Variants in ST6GAL1 observed in about 807,000 individuals in gnomAD.
ST6GAL1 encodes ST6 beta-galactoside alpha-2,6-sialyltransferase 1, also known as beta-galactoside alpha-2,6-sialyltransferase 1.
A neutral mutation model predicts 38.0 loss-of-function variants in ST6GAL1; 20 were observed. That is an observed-to-expected ratio of 0.53 (90% confidence interval 0.37 to 0.77). The LOEUF is 0.77. ST6GAL1 is among the 30% of genes least tolerant of loss of function. The probability of loss-of-function intolerance (pLI) is 0.00; values close to 1 mark genes in which losing one functional copy is unlikely to be tolerated. For synonymous variants in ST6GAL1, 196 were observed against 188.2 expected (o/e 1.04, Z -0.34); for missense variants, 432 against 496.4 (o/e 0.87, Z 1.23).
intron 5 of ST6GAL1, among the ~76,000 whole-genome samples, chr3:187,059,513 A>C (rs1197646802): frequency 2.6e-5 from 4 of 152,176 alleles, no homozygotes; most frequent in African/African-American, 9.7e-5. Flanking sequence ...CATTCAACAA[A>C]TGTATTCAGT....
At position 186,976,552 on chromosome 3, in the gene ST6GAL1, C is replaced by G. The variant is rs192030055; in HGVS notation, c.-183+12626C>G. Among the ~76,000 whole-genome samples, 526 of 152,270 alleles carry G rather than the reference C, an allele frequency of 3.5e-3. 4 individuals carry two copies. Among genetic ancestry groups the G allele is most frequent in the East Asian group, 0.022 (113 of 5,186 alleles). On this transcript the variant is annotated intron_variant, in intron 2 of 7. Transcript: ENST00000169298. ...TCAAGCGCTTCTCCTGCTTCAGCCT[C>G]CCAAGTAGCTGGAACTACAGGCATG...
Position 187,074,250 on chromosome 3 carries a change from A to G in ST6GAL1, c.896A>G (p.Gln299Arg), listed in dbSNP as rs1353471716. ...CAGCCCTTTTACATCCTCAAGCCCCAGATGCCTTGGGAGCTATGGGACATT... is the reference window on the plus strand; with the variant it reads ...CAGCCCTTTTACATCCTCAAGCCCCGGATGCCTTGGGAGCTATGGGACATT... ...PNQPFYILKP[Q>R]MPWELWDILQ... The change falls in exon 7 of 8, where the codon CAG (glutamine) becomes CGG (arginine). Residue 299 changes from glutamine (Q) to arginine (R), a missense_variant. Gln to Arg is a conservative substitution (Grantham distance 43, BLOSUM62 1). Coordinates refer to ENST00000169298, the MANE Select transcript of ST6GAL1 (RefSeq NM_173216.2). 6.2e-7 allele frequency: 1 copy of G among 1,612,692 alleles called. No homozygotes were observed. The highest frequency in any genetic ancestry group is 1.3e-5 in the African/African-American group (1 of 74,920).
Position 186,968,788 on chromosome 3 carries a change from G to A in ST6GAL1, c.-183+4862G>A, listed in dbSNP as rs548983327. Among the ~76,000 whole-genome samples the A allele has an allele frequency of 4.6e-5, 7 of 152,254 alleles. No homozygotes were observed. The East Asian group carries it at 1.4e-3, about 29-fold the overall frequency. On this transcript the variant is annotated intron_variant, in intron 2 of 7. Coordinates refer to ENST00000169298, the MANE Select transcript of ST6GAL1 (RefSeq NM_173216.2). ...TCAAATTTTGGACTATTAAAATAAA[G>A]CCATTAGAATCATTTGTGGAAAAAA...
rs1715510415 is a variant in ST6GAL1 at position 186,976,062 on chromosome 3, T to C, written c.-183+12136T>C. The stretch of plus-strand genomic sequence containing the variant: ...CCCCTCAGGGTCTCCACGGGCTCGC[T>C]AGAGTTCCTGCACACAGTTTCAAGA... On this transcript the variant is annotated intron_variant, in intron 2 of 7. Transcript: ENST00000169298. 2.0e-5 allele frequency among the ~76,000 whole-genome samples: 3 copies of C among 152,338 alleles called. No homozygotes were observed. In the South Asian group the frequency reaches 6.2e-4, roughly 32 times the overall value.
chr3:187,060,967 G>C (rs906011662), intron 5 of ST6GAL1, among the ~76,000 whole-genome samples: 3 of 152,166 alleles, frequency 2.0e-5, no homozygotes, highest in African/African-American at 7.2e-5. Flanking sequence ...ACAGGAAGAA[G>C]GATGGGTACA....
intron 1 of ST6GAL1, among the ~76,000 whole-genome samples, chr3:186,954,407 A>G (rs1395677000): frequency 6.6e-6 from 1 of 152,214 alleles, no homozygotes; most frequent in African/African-American, 2.4e-5. Context: ...GACTCACCAC[A>G]CTGTCTTCCA....
chr3:187,066,929 A>G (rs1169398656), intron 5 of ST6GAL1, among the ~76,000 whole-genome samples: 1 of 152,000 alleles, frequency 6.6e-6, no homozygotes, highest in African/African-American at 2.4e-5. Context: ...GGGCCTTACA[A>G]GGTGGTTATG....
chr3:187,005,361 C>G (rs1314844258), intron 2 of ST6GAL1, among the ~76,000 whole-genome samples: 1 of 150,988 alleles, frequency 6.6e-6, no homozygotes, highest in African/African-American at 2.4e-5. Flanking sequence ...GTGCAAGCTC[C>G]ACCTCCCGGG....
chr3:187,037,942 G>GA (rs1254742939), intron 2 of ST6GAL1, among the ~76,000 whole-genome samples: 5 of 150,710 alleles, frequency 3.3e-5, no homozygotes, highest in Non-Finnish European at 7.4e-5. Flanking sequence ...TTTTTTTTCT[G>GA]AATTTGGATA....
intron 1 of ST6GAL1, among the ~76,000 whole-genome samples, chr3:186,932,199 G>GAGC (rs1713782982): frequency 1.3e-5 from 2 of 152,222 alleles, no homozygotes; most frequent in Non-Finnish European, 2.9e-5. Flanking sequence ...AAGGTCTAGA[G>GAGC]AGCATCTAGG....
At position 187,076,650 on chromosome 3, in the gene ST6GAL1, G is replaced by A. The variant is rs562034066; in HGVS notation, c.*847G>A. 3.5e-5 allele frequency: 14 copies of A among 395,392 alleles called. No individual in the cohort carries two copies. The South Asian group carries it at 1.7e-3, about 49-fold the overall frequency. 24.5% of individuals were successfully genotyped at this position (395,392 alleles called of 1,614,324 possible). A position where few individuals can be genotyped will look rare whatever the true frequency, so the allele number is the denominator to read the frequency against. On this transcript the variant is annotated 3_prime_UTR_variant, in exon 8 of 8. Transcript: ENST00000169298. ...CAGAGAAGGCTTTATAGCACAGGGG[G>A]CATTCAGATGAGTCTTAGAGGAAGA...
At position 187,067,394 on chromosome 3, in the gene ST6GAL1, CTTTT is replaced by C. The variant is rs3055154; in HGVS notation, c.706-5437_706-5434del. On this transcript the variant is annotated intron_variant, in intron 5 of 7. Transcript: ENST00000169298. ...GAGCCACTGCACCTGGCAAGGCAAC[CTTTT>C]TTTTTTTTTTTTTTTTTGGTAGAAA... is the stretch of plus-strand genomic sequence containing the variant. 0.02 allele frequency among the ~76,000 whole-genome samples: 2,306 copies of C among 114,126 alleles called. 149 individuals are homozygous for C. In the East Asian group the frequency reaches 0.24, roughly 12 times the overall value. 74.9% of individuals were successfully genotyped at this position (114,126 alleles called of 152,430 possible). A position where few individuals can be genotyped will look rare whatever the true frequency, so the allele number is the denominator to read the frequency against.
At chr3:186,972,186 G>A (rs553546847) in intron 2 of ST6GAL1, among the ~76,000 whole-genome samples, 1 of 152,142 alleles carries the variant, frequency 6.6e-6, no homozygotes, top group Non-Finnish European at 1.5e-5. Context: ...TTGAACCTGG[G>A]GAGTAGGACA....
At chr3:187,013,253 C>T (rs1717013891) in intron 2 of ST6GAL1, among the ~76,000 whole-genome samples, 1 of 152,148 alleles carries the variant, frequency 6.6e-6, no homozygotes, top group African/African-American at 2.4e-5. Context: ...AAATAACAAA[C>T]ATTTCCTCTG....
intron 5 of ST6GAL1, among the ~76,000 whole-genome samples, chr3:187,068,643 A>G (rs541908780): frequency 6.6e-6 from 1 of 152,334 alleles, no homozygotes; most frequent in East Asian, 1.9e-4. Flanking sequence ...CGGTGAAGCC[A>G]CAGCTGGGAA....
intron 2 of ST6GAL1, among the ~76,000 whole-genome samples, chr3:187,001,243 G>A (rs986112338): frequency 9.9e-5 from 15 of 152,218 alleles, no homozygotes; most frequent in Non-Finnish European, 2.9e-5. Context: ...TGACCTGCAT[G>A]TCACTTTCCA....
chr3:186,944,119 T>C, intron 1 of ST6GAL1, among the ~76,000 whole-genome samples: 1 of 152,328 alleles, frequency 6.6e-6, no homozygotes, highest in South Asian at 2.1e-4. Flanking sequence ...CAATCAGTAA[T>C]CCAGAAGTCT....
intron 6 of ST6GAL1, 135 bp downstream of exon 6, chr3:187,073,082 C>T: frequency 1.5e-6 from 1 of 646,526 alleles, no homozygotes; most frequent in Non-Finnish European, 2.8e-6. Flanking sequence ...TAGGGTACCC[C>T]ATTTCATCTG....
chr3:186,984,884 C>A (rs979824925), intron 2 of ST6GAL1, among the ~76,000 whole-genome samples: 11 of 144,134 alleles, frequency 7.6e-5, no homozygotes, highest in Admixed American at 1.4e-4. Context: ...TCCTTCCGTC[C>A]TTTCTTTCTC....
Sources: gnomAD v4.1 joint callset for allele counts (sites outside exome capture counted in the v4.1 genomes callset) on GRCh38, gnomAD v4.1.1 for gene constraint, MANE v1.5 for transcripts, NCBI Gene and HGNC (gene_info 2026-07-23, HGNC 2026-07-21) for gene names.